The following CMIP variants were observed in gnomAD, a reference collection of about 807,000 sequenced individuals.
CMIP encodes the protein c-Maf inducing protein.
Under a neutral mutation model 97.3 loss-of-function variants are expected in CMIP, and 13 were observed. The observed-to-expected ratio is 0.13, with a 90% CI of 0.09 to 0.21. CMIP has a LOEUF of 0.21. Ranked by LOEUF, CMIP falls within the 10% of genes least tolerant of loss-of-function variation. The pLI, the probability that CMIP is intolerant of heterozygous loss-of-function variation, is 1.00. For missense variants in CMIP, 847 were observed against 1,024.9 expected (o/e 0.83, Z 2.37); for synonymous variants, 538 against 436.3 (o/e 1.23, Z -2.91).
rs552843780 is a variant in CMIP, at chr16:81,483,790, G to A, written c.300+38249G>A. The stretch of plus-strand genomic sequence containing the variant: ...CTTTTGCTATTTATATAGCACAGTG[G>A]TTTATAAACTCTGCTTCTAGAATTT... On this transcript the variant is annotated intron_variant, in intron 1 of 20. Coordinates refer to ENST00000537098, the MANE Select transcript of CMIP (RefSeq NM_198390.3). 2.0e-5 allele frequency among the ~76,000 whole-genome samples: 3 copies of A among 152,292 alleles called. No individual in the cohort carries two copies. In the East Asian group the frequency reaches 5.8e-4, roughly 29 times the overall value.
At chr16:81,601,301 C>T (rs1200455735) in intron 1 of CMIP, among the ~76,000 whole-genome samples, 1 of 152,132 alleles carries the variant, frequency 6.6e-6, no homozygotes. Flanking sequence ...GAGAGGAATC[C>T]CCATGGAAAC....
In CMIP at chr16:81,702,644, G is replaced by A; in HGVS notation, c.1919G>A (p.Arg640Lys). The change falls in exon 17 of 21, where the codon AGG becomes AAG. Residue 640 changes from arginine (R) to lysine (K), a missense_variant. By Grantham distance (26) the Arg-to-Lys change is conservative. Transcript: ENST00000537098. ...KELQRKGGPT[R>K]LTLPSKSTDA... ...CAGCAAAGGAAAGGCGGGCCCACCAGGCTAACACTGCCCTCCAAGTCCACA... is the reference window on the plus strand; with the variant it reads ...CAGCAAAGGAAAGGCGGGCCCACCAAGCTAACACTGCCCTCCAAGTCCACA... The A allele has an allele frequency of 6.2e-7, 1 of 1,613,626 alleles. No individual in the cohort carries two copies. Among genetic ancestry groups the A allele is most frequent in the Non-Finnish European group, 8.5e-7 (1 of 1,179,732 alleles).
At chr16:81,541,453 C>G (rs532514963) in intron 1 of CMIP, among the ~76,000 whole-genome samples, 4 of 152,162 alleles carry the variant, frequency 2.6e-5, no homozygotes, top group Non-Finnish European at 4.4e-5. Flanking sequence ...CCACTCCAGC[C>G]CCTGATCGGT....
intron 1 of CMIP, among the ~76,000 whole-genome samples, chr16:81,446,360 T>A (rs1905841910): frequency 6.6e-6 from 1 of 151,982 alleles, no homozygotes; most frequent in Admixed American, 6.5e-5. Flanking sequence ...ACCATTGATC[T>A]GTTTCTGAAA....
Position 81,678,277 on chromosome 16 carries a change from G to A in CMIP, c.1037G>A (p.Arg346His). ...YSCYEEFINS[R>H]DNSPSLKEIR... ...CCCTCTCCCGCCTCTTCCCCCAGCCGCGACAATTCCCCAAGCCTGAAGGAA... is the reference window on the plus strand; with the variant it reads ...CCCTCTCCCGCCTCTTCCCCCAGCCACGACAATTCCCCAAGCCTGAAGGAA... The change falls in exon 10 of 21, where the codon CGC becomes CAC. Residue 346 changes from arginine to histidine, a missense_variant and splice_region_variant. By Grantham distance (29) the Arg-to-His change is conservative. Coordinates refer to ENST00000537098, the MANE Select transcript of CMIP (RefSeq NM_198390.3). The A allele has an allele frequency of 1.3e-6, 2 of 1,587,566 alleles. No homozygotes were observed. Among genetic ancestry groups the A allele is most frequent in the South Asian group, 1.1e-5 (1 of 89,070 alleles).
intron 8 of CMIP, 38 bp from the exon 9 acceptor site, chr16:81,671,928 C>T (rs762388538): frequency 1.7e-6 from 2 of 1,194,970 alleles, no homozygotes; most frequent in South Asian, 1.3e-5. Context: ...GGCCCCACTC[C>T]TGCAGGCTTC....
Position 81,616,090 on chromosome 16 carries a change from G to A in CMIP, c.427-4786G>A, listed in dbSNP as rs1346834852. Among the ~76,000 whole-genome samples, 1 of 152,078 alleles carries A rather than the reference G, an allele frequency of 6.6e-6. No homozygotes were observed. The highest frequency in any genetic ancestry group is 2.4e-5 in the African/African-American group (1 of 41,372). On this transcript the variant is annotated intron_variant, in intron 2 of 20. Coordinates refer to ENST00000537098, the MANE Select transcript of CMIP (RefSeq NM_198390.3). This position sits in a 1 kb window ranked among gnomAD's most constrained non-coding sequence, Gnocchi z 4.7. Reference sequence around the variant, plus strand: ...AGGAGGCGCAGGAGAGTTCCGCATCGAGACTGTCCTCAGCCCGGCATCTCT... The same window carrying A: ...AGGAGGCGCAGGAGAGTTCCGCATCAAGACTGTCCTCAGCCCGGCATCTCT...
In CMIP at chr16:81,621,879, T is replaced by G. The variant is rs547283323; in HGVS notation, c.477+953T>G. Reference sequence around the variant, plus strand: ...GAAAGGCAACCCCAGATAATTACTTTCCTGGTCCCAGAGAGGGCCACTCCC... The same window carrying G: ...GAAAGGCAACCCCAGATAATTACTTGCCTGGTCCCAGAGAGGGCCACTCCC... On this transcript the variant is annotated intron_variant, in intron 3 of 20. Transcript: ENST00000537098. The surrounding 1 kb of genome is among the most constrained non-coding windows in gnomAD (Gnocchi z 4.1). The G allele has an allele frequency of 6.6e-6, 1 of 152,364 alleles. No individual in the cohort carries two copies. The highest frequency in any genetic ancestry group is 1.9e-4 in the East Asian group (1 of 5,186). The allele number at this position is 152,364 out of a possible 1,614,324, so 9.4% of individuals were successfully genotyped here.
At chr16:81,562,320 G>C (rs1321070006) in intron 1 of CMIP, among the ~76,000 whole-genome samples, 2 of 152,216 alleles carry the variant, frequency 1.3e-5, no homozygotes, top group Non-Finnish European at 2.9e-5. Context: ...ATGGTCCAAG[G>C]AGCCAGGATT....
chr16:81,535,925 C>G (rs910375079), intron 1 of CMIP, among the ~76,000 whole-genome samples: 1 of 152,176 alleles, frequency 6.6e-6, no homozygotes, highest in Admixed American at 6.5e-5. Flanking sequence ...ACGCTGACTT[C>G]AAGGCGAGAG....
At chr16:81,591,644 GA>G (rs1472399225) in intron 1 of CMIP, among the ~76,000 whole-genome samples, 1 of 152,108 alleles carries the variant, frequency 6.6e-6, no homozygotes, top group Admixed American at 6.5e-5. Flanking sequence ...TGTAGAGATG[GA>G]GGTCAACACT....
chr16:81,572,571 G>A (rs912078026), intron 1 of CMIP, among the ~76,000 whole-genome samples: 1 of 152,340 alleles, frequency 6.6e-6, no homozygotes, highest in Non-Finnish European at 1.5e-5. Context: ...GTTAGGCCTT[G>A]CCACCCTTAT....
At chr16:81,535,001 A>G (rs2090313979) in intron 1 of CMIP, among the ~76,000 whole-genome samples, 3 of 152,076 alleles carry the variant, frequency 2.0e-5, no homozygotes, top group African/African-American at 7.2e-5. Flanking sequence ...CCCAGGCTGG[A>G]GTGCAGAGGC....
chr16:81,676,073 G>GT (rs1470107821), intron 9 of CMIP, among the ~76,000 whole-genome samples: 4 of 152,234 alleles, frequency 2.6e-5, no homozygotes, highest in African/African-American at 9.6e-5. Flanking sequence ...GGAGGATGGA[G>GT]TAGGGGGCAG....
At chr16:81,691,417 C>T (rs1404996645) in intron 10 of CMIP, among the ~76,000 whole-genome samples, 1 of 152,190 alleles carries the variant, frequency 6.6e-6, no homozygotes, top group Non-Finnish European at 1.5e-5. Context: ...GGGTGCAGAG[C>T]TTCAGTATAT....
intron 3 of CMIP, among the ~76,000 whole-genome samples, chr16:81,629,370 T>G (rs1375411568): frequency 2.0e-5 from 3 of 152,020 alleles, no homozygotes; most frequent in Non-Finnish European, 4.4e-5. Flanking sequence ...ACTTGAGGTT[T>G]GGAAGCCCAG....
chr16:81,689,681 G>C (rs913442710), intron 10 of CMIP, among the ~76,000 whole-genome samples: 4 of 152,132 alleles, frequency 2.6e-5, no homozygotes, highest in Admixed American at 2.6e-4. Flanking sequence ...TGTCAATTTT[G>C]GCTTTTGTTG....
At chr16:81,558,512 G>T (rs1484442526) in intron 1 of CMIP, among the ~76,000 whole-genome samples, 1 of 152,192 alleles carries the variant, frequency 6.6e-6, no homozygotes, top group Non-Finnish European at 1.5e-5. Flanking sequence ...AGAGACCAGG[G>T]ATACTGCTCA....
At chr16:81,641,022 A>C (rs2092300649) in intron 3 of CMIP, among the ~76,000 whole-genome samples, 1 of 151,996 alleles carries the variant, frequency 6.6e-6, no homozygotes. Flanking sequence ...TCCACCATGA[A>C]ATGAGGCTTG....
Sources: gnomAD v4.1 joint callset for allele counts (sites outside exome capture counted in the v4.1 genomes callset) on GRCh38, gnomAD v4.1.1 for gene constraint, Gnocchi (gnomAD v3.1) non-coding constraint, MANE v1.5 for transcripts, NCBI Gene and HGNC (gene_info 2026-07-23, HGNC 2026-07-21) for gene names.